HSPA9: variants seen among roughly 807,000 people sequenced by gnomAD.
The protein encoded by HSPA9 is heat shock protein family A (Hsp70) member 9.
Under a neutral mutation model 81.5 loss-of-function variants are expected in HSPA9, and 28 were observed. The ratio of observed to expected loss-of-function variants is 0.34; its 90% confidence interval spans 0.25 to 0.47. The LOEUF is 0.47. HSPA9 is among the 20% of genes least tolerant of loss of function. The probability of loss-of-function intolerance (pLI) is 1.00; values close to 1 mark genes in which losing one functional copy is unlikely to be tolerated. For synonymous variants in HSPA9, 293 were observed against 290.4 expected, an observed-to-expected ratio of 1.01 and a Z score of -0.09; for missense variants, 678 against 838.0, an observed-to-expected ratio of 0.81 and a Z score of 2.36.
rs576921780 is a variant in HSPA9 at position 138,554,365 on chromosome 5, G to A, written c.*1672C>T. Reference sequence around the variant, plus strand: ...TCTTTAGGAGACAGTAGAGGCAGTGGGCAAGGGCCAACCAAAAATGCTAAA... The same window carrying A: ...TCTTTAGGAGACAGTAGAGGCAGTGAGCAAGGGCCAACCAAAAATGCTAAA... On this transcript the variant is annotated 3_prime_UTR_variant, in exon 17 of 17. Transcript: ENST00000297185. Among the ~76,000 whole-genome samples the A allele has an allele frequency of 1.3e-5, 2 of 152,256 alleles. No homozygotes were observed. Among genetic ancestry groups the A allele is most frequent in the South Asian group, 4.1e-4 (2 of 4,828 alleles).
intron 9 of HSPA9, 103 bp from the exon 10 acceptor site, chr5:138,561,892 C>G: frequency 1.1e-6 from 1 of 898,446 alleles, no homozygotes; most frequent in Non-Finnish European, 1.9e-6. Flanking sequence ...AGAAGACTTG[C>G]AAAACCAAAG....
In HSPA9 at chr5:138,560,052, T is replaced by C. The variant is rs751940589; in HGVS notation, c.1222A>G (p.Ser408Gly). ...TVQDLFGRAP[S>G]KAVNPDEAVA... ...GCCTCATCAGGATTGACAGCTTTAC[T>C]TGGGGCTCTGCCAAAAAGATCCTGT... is the stretch of plus-strand genomic sequence containing the variant. The change falls in exon 11 of 17, where the codon AGT becomes GGT. Residue 408 changes from serine to glycine, a missense_variant. This residue lies in a region of HSPA9 where 484 missense variants were observed against 647.5 expected (regional missense o/e 0.75). Coordinates refer to ENST00000297185, the MANE Select transcript of HSPA9 (RefSeq NM_004134.7). The C allele has an allele frequency of 3.7e-6, 6 of 1,614,058 alleles. No homozygotes were observed. The African/African-American group carries it at 4.0e-5, about 11-fold the overall frequency.
intron 3 of HSPA9, among the ~76,000 whole-genome samples, chr5:138,573,021 G>A (rs1037462805): frequency 4.6e-5 from 7 of 151,918 alleles, no homozygotes; most frequent in Admixed American, 2.6e-4. Flanking sequence ...TCAGCCTCCC[G>A]AGTAGCGGGG....
intron 9 of HSPA9, among the ~76,000 whole-genome samples, chr5:138,564,518 C>T (rs1750721874): frequency 6.6e-6 from 1 of 152,180 alleles, no homozygotes; most frequent in Admixed American, 6.5e-5. Context: ...GTGCCTCAGT[C>T]TCCTGAGTAG....
intron 4 of HSPA9, 194 bp downstream of exon 4, chr5:138,570,766 T>G (rs1226835269): frequency 3.5e-6 from 2 of 578,266 alleles, no homozygotes; most frequent in South Asian, 1.9e-5. Context: ...ATTACAGGTG[T>G]GAGCCACTGC....
At chr5:138,571,185 C>G in intron 3 of HSPA9, 44 bp from the exon 4 acceptor site, 1 of 1,593,344 alleles carries the variant, frequency 6.3e-7, no homozygotes, top group Non-Finnish European at 8.6e-7. Context: ...GTAGTTATCA[C>G]TGGTATGTTT....
rs563534173 is a variant in HSPA9 at position 138,573,955 on chromosome 5, T to A, written c.141-105A>T. 1,324 of 1,253,822 alleles carry A rather than the reference T, an allele frequency of 1.1e-3. 1 individual carries two copies. Among genetic ancestry groups the A allele is most frequent in the Non-Finnish European group, 1.3e-3 (1,096 of 860,322 alleles). The allele number at this position is 1,253,822 out of a possible 1,614,324, so 77.7% of individuals were successfully genotyped here. ...AAATTAACAGTGGTATACTACATAATCTCTAAATAAATACAGATAAATAAT... is the reference window on the plus strand; with the variant it reads ...AAATTAACAGTGGTATACTACATAAACTCTAAATAAATACAGATAAATAAT... On this transcript the variant is annotated intron_variant, in intron 2 of 16. Coordinates refer to ENST00000297185, the MANE Select transcript of HSPA9 (RefSeq NM_004134.7).
At chr5:138,564,512 C>T (rs1316132613) in intron 9 of HSPA9, among the ~76,000 whole-genome samples, 5 of 152,210 alleles carry the variant, frequency 3.3e-5, no homozygotes, top group African/African-American at 1.2e-4. Flanking sequence ...ATTCTTGTGC[C>T]TCAGTCTCCT....
At chr5:138,561,068 C>T (rs1291287758) in intron 10 of HSPA9, 13 of 500,046 alleles carry the variant, frequency 2.6e-5, no homozygotes, top group Middle Eastern at 3.2e-4. Context: ...GTTTTCCACA[C>T]GTTCTTTCAG....
In HSPA9 at chr5:138,567,136, T is replaced by C. The variant is rs1334893455; in HGVS notation, c.744A>G (p.Gly248=). 2 of 1,613,244 alleles carry C rather than the reference T, an allele frequency of 1.2e-6. No homozygotes were observed. Among genetic ancestry groups the C allele is most frequent in the African/African-American group, 2.7e-5 (2 of 74,818 alleles). ...KVIAVYDLGG[G]TFDISILEIQ... is the part of the protein sequence containing the mutation. Reference sequence around the variant, plus strand: ...TTTCCAGGATAGAAATATCAAAAGTTCCACCACCTAAATCATATACAGCAA... The same window carrying C: ...TTTCCAGGATAGAAATATCAAAAGTCCCACCACCTAAATCATATACAGCAA... The change falls in exon 8 of 17, where the codon GGA becomes GGG. Residue 248 remains glycine (G), a synonymous_variant. Coordinates refer to ENST00000297185, the MANE Select transcript of HSPA9 (RefSeq NM_004134.7).
intron 1 of HSPA9, chr5:138,574,988 CACT>C (rs909917542): frequency 1.7e-6 from 1 of 588,130 alleles, no homozygotes; most frequent in African/African-American, 1.9e-5. Context: ...CCATGAGGAC[CACT>C]ACCTGGTAAT....
At chr5:138,558,479 T>C (rs573676355) in intron 12 of HSPA9, 74 bp downstream of exon 12, 7 of 1,032,498 alleles carry the variant, frequency 6.8e-6, no homozygotes, top group Admixed American at 6.8e-5. Flanking sequence ...TTTATACTAA[T>C]ATTTTTATGG....
intron 5 of HSPA9, among the ~76,000 whole-genome samples, chr5:138,568,082 G>A (rs988880266): frequency 6.6e-6 from 1 of 152,166 alleles, no homozygotes; most frequent in African/African-American, 2.4e-5. Context: ...CTACTCAGGA[G>A]GCTGAGGCGG....
intron 4 of HSPA9, 62 bp from the exon 5 acceptor site, chr5:138,569,111 C>T: frequency 6.6e-7 from 1 of 1,512,920 alleles, no homozygotes; most frequent in Non-Finnish European, 9.2e-7. Flanking sequence ...GACAAAATTA[C>T]CACATACCAT....
intron 5 of HSPA9, among the ~76,000 whole-genome samples, chr5:138,568,714 AAAAG>A (rs1014852133): frequency 6.6e-6 from 1 of 152,202 alleles, no homozygotes; most frequent in Non-Finnish European, 1.5e-5. Flanking sequence ...CTACTGGAAA[AAAAG>A]AAACAAGCCA....
At chr5:138,570,537 T>C (rs141534592) in intron 4 of HSPA9, among the ~76,000 whole-genome samples, 1 of 152,078 alleles carries the variant, frequency 6.6e-6, no homozygotes, top group African/African-American at 2.4e-5. Flanking sequence ...CAGGCTGGAG[T>C]GCAGTGGCAG....
chr5:138,563,450 C>T (rs1750698516), intron 9 of HSPA9, among the ~76,000 whole-genome samples: 1 of 152,122 alleles, frequency 6.6e-6, no homozygotes, highest in African/African-American at 2.4e-5. Context: ...TCTTTCCTTA[C>T]CCTCCTCTCT....
chr5:138,557,700 A>G (rs1209163707), intron 13 of HSPA9, among the ~76,000 whole-genome samples, 169 bp downstream of exon 13: 2 of 152,214 alleles, frequency 1.3e-5, no homozygotes, highest in Non-Finnish European at 2.9e-5. Flanking sequence ...TTTGCCCATC[A>G]AAACTTCAGC....
chr5:138,559,510 C>G (rs1376264820), intron 11 of HSPA9, among the ~76,000 whole-genome samples: 3 of 152,136 alleles, frequency 2.0e-5, no homozygotes, highest in South Asian at 2.1e-4. Flanking sequence ...GAACACTCCC[C>G]TAAGTCTGGT....
Sources: gnomAD v4.1 joint callset for allele counts (sites outside exome capture counted in the v4.1 genomes callset) on GRCh38, gnomAD v4.1.1 for gene constraint, gnomAD v4.1.1 regional missense constraint, MANE v1.5 for transcripts, NCBI Gene and HGNC (gene_info 2026-07-23, HGNC 2026-07-21) for gene names.